Variants in PTPRD observed in about 807,000 individuals in gnomAD.
PTPRD encodes receptor-type tyrosine-protein phosphatase delta.
Under a neutral mutation model 214.5 loss-of-function variants are expected in PTPRD, and 34 were observed. The ratio of observed to expected loss-of-function variants is 0.16; its 90% CI spans 0.12 to 0.21. The LOEUF (loss-of-function observed/expected upper bound fraction) is 0.21, where lower values mean the gene tolerates loss of function less well. Ranked by LOEUF, PTPRD falls within the 10% of genes least tolerant of loss-of-function variation. The pLI is 1.00. For missense variants in PTPRD, 2,545 were observed against 2,398.7 expected (o/e 1.06, Z -1.27); for synonymous variants, 1,128 against 845.7 (o/e 1.33, Z -5.79).
chr9:8,861,581 G>C (rs2098107037), intron 11 of PTPRD: 1 of 152,132 alleles, frequency 6.6e-6, no homozygotes, highest in African/African-American at 2.4e-5. Context: ...GGACGAGAGA[G>C]GATAAGTAAT....
chr9:8,786,132 G>A (rs933438993), intron 11 of PTPRD, among the ~76,000 whole-genome samples: 8 of 151,754 alleles, frequency 5.3e-5, no homozygotes, highest in Non-Finnish European at 2.9e-5. Flanking sequence ...TATGAACAAG[G>A]TAGGGTGGGA....
At chr9:10,067,622 T>C (rs2097909825) in intron 3 of PTPRD, among the ~76,000 whole-genome samples, 1 of 151,882 alleles carries the variant, frequency 6.6e-6, no homozygotes, top group African/African-American at 2.4e-5. Flanking sequence ...AGCTAAGTAT[T>C]ATTATACTTA....
intron 8 of PTPRD, among the ~76,000 whole-genome samples, chr9:9,433,563 G>A (rs952338657): frequency 1.3e-5 from 2 of 151,980 alleles, no homozygotes; most frequent in Non-Finnish European, 1.5e-5. Flanking sequence ...AATTTATTAT[G>A]AGGAAAATTT....
rs150512130 is a variant in PTPRD at position 8,612,538 on chromosome 9, G to C, written c.352+20779C>G. Among the ~76,000 whole-genome samples the C allele has an allele frequency of 2.8e-3, 426 of 152,254 alleles. 1 individual carries two copies. Among genetic ancestry groups the C allele is most frequent in the Middle Eastern group, 6.8e-3 (2 of 294 alleles). ...ATCGGAAGGTAAGGAAAAACACAAG[G>C]GTCACTTGTCAGTTATTACATGGGA... On this transcript the variant is annotated intron_variant, in intron 14 of 45. Coordinates refer to ENST00000381196, the MANE Select transcript of PTPRD (RefSeq NM_002839.4).
chr9:9,778,002 G>A (rs1363135645), intron 5 of PTPRD, among the ~76,000 whole-genome samples: 3 of 152,204 alleles, frequency 2.0e-5, no homozygotes, highest in Non-Finnish European at 2.9e-5. Flanking sequence ...AGCACTAGCT[G>A]TGATTCCTCA....
At chr9:8,418,891 A>G (rs2094148111) in intron 35 of PTPRD, among the ~76,000 whole-genome samples, 1 of 152,086 alleles carries the variant, frequency 6.6e-6, no homozygotes, top group Non-Finnish European at 1.5e-5. Context: ...CAGATCCAAT[A>G]GTAGGCAAAT....
chr9:8,571,506 A>G (rs763847407), intron 14 of PTPRD, among the ~76,000 whole-genome samples: 1 of 152,184 alleles, frequency 6.6e-6, no homozygotes, highest in Non-Finnish European at 1.5e-5. Flanking sequence ...ATGCATAAAC[A>G]TAAGGAAATA....
At chr9:8,701,411 G>C (rs1370028269) in intron 12 of PTPRD, 2 of 152,124 alleles carry the variant, frequency 1.3e-5, no homozygotes, top group East Asian at 3.9e-4. Flanking sequence ...GAGGTGAGCG[G>C]ATCACTTGAG....
chr9:10,097,925 G>A (rs1382240456), intron 3 of PTPRD, among the ~76,000 whole-genome samples: 1 of 151,846 alleles, frequency 6.6e-6, no homozygotes, highest in Non-Finnish European at 1.5e-5. Flanking sequence ...CATTGTGGAA[G>A]TCGGTGTAGC....
At chr9:8,947,118 ATTCTC>A (rs2099070471) in intron 11 of PTPRD, among the ~76,000 whole-genome samples, 4 of 118,510 alleles carry the variant, frequency 3.4e-5, no homozygotes, top group Non-Finnish European at 7.1e-5. Context: ...ATTATTTGTT[ATTCTC>A]TTCTACTCTT....
intron 10 of PTPRD, among the ~76,000 whole-genome samples, chr9:9,093,362 C>G (rs949202149): frequency 2.0e-5 from 3 of 151,992 alleles, no homozygotes; most frequent in African/African-American, 7.2e-5. Context: ...AACCCTCTAT[C>G]CAATAACGGC....
At position 8,548,676 on chromosome 9, in the gene PTPRD, A is replaced by ATTT. The variant is rs71317369; in HGVS notation, c.353-19900_353-19898dup. Among the ~76,000 whole-genome samples, 23 of 41,114 alleles carry ATTT rather than the reference A, an allele frequency of 5.6e-4. 1 individual carries two copies. The highest frequency in any genetic ancestry group is 7.1e-4 in the Non-Finnish European group (16 of 22,474). 27.0% of individuals were successfully genotyped at this position (41,114 alleles called of 152,430 possible). Reference sequence around the variant, plus strand: ...AGCCATTGCACCCAGCTGGAGCTGGATTTTTTTTTTTTTTTTTTTTTTTTT... The same window carrying ATTT: ...AGCCATTGCACCCAGCTGGAGCTGGATTTTTTTTTTTTTTTTTTTTTTTTTTTT... On this transcript the variant is annotated intron_variant, in intron 14 of 45. Transcript: ENST00000381196.
At chr9:10,301,160 C>A (rs1436219723) in intron 3 of PTPRD, among the ~76,000 whole-genome samples, 4 of 152,064 alleles carry the variant, frequency 2.6e-5, no homozygotes. Flanking sequence ...CTCCAGCAGA[C>A]CTACAGCAGA....
chr9:10,238,216 C>T (rs941677435), intron 3 of PTPRD, among the ~76,000 whole-genome samples: 3 of 151,558 alleles, frequency 2.0e-5, no homozygotes, highest in East Asian at 3.9e-4. Flanking sequence ...GGGCACATAA[C>T]GTTGCTTCAA....
chr9:10,046,844 A>G (rs1041184302), intron 3 of PTPRD, among the ~76,000 whole-genome samples: 7 of 152,026 alleles, frequency 4.6e-5, no homozygotes, highest in Non-Finnish European at 2.9e-5. Context: ...AAATGGAAAT[A>G]CCACGAAAAC....
chr9:9,565,620 A>C (rs1185386166), intron 8 of PTPRD, among the ~76,000 whole-genome samples: 1 of 151,968 alleles, frequency 6.6e-6, no homozygotes, highest in Non-Finnish European at 1.5e-5. Context: ...AAATGCTACA[A>C]ATAGCCACAC....
chr9:8,585,901 G>C (rs374034933), intron 14 of PTPRD, among the ~76,000 whole-genome samples: 1 of 152,078 alleles, frequency 6.6e-6, no homozygotes, highest in Non-Finnish European at 1.5e-5. Context: ...AAATCCACTT[G>C]TCCTCTCTCT....
At chr9:9,625,866 G>T (rs189702209) in intron 7 of PTPRD, among the ~76,000 whole-genome samples, 1 of 152,144 alleles carries the variant, frequency 6.6e-6, no homozygotes, top group Non-Finnish European at 1.5e-5. Flanking sequence ...CTCTCTGGTA[G>T]ACATTGGTAG....
intron 10 of PTPRD, among the ~76,000 whole-genome samples, chr9:9,059,103 A>T (rs1040850363): frequency 5.3e-5 from 8 of 152,174 alleles, no homozygotes; most frequent in African/African-American, 1.9e-4. Context: ...GCAGTGAGTC[A>T]TACCACATGA....
Sources: gnomAD v4.1 joint callset for allele counts (sites outside exome capture counted in the v4.1 genomes callset) on GRCh38, gnomAD v4.1.1 for gene constraint, MANE v1.5 for transcripts, NCBI Gene and HGNC (gene_info 2026-07-23, HGNC 2026-07-21) for gene names.